STIM1: variants seen among roughly 807,000 people sequenced by gnomAD.
STIM1 encodes stromal interaction molecule 1.
In STIM1, 25 loss-of-function variants were observed where a neutral mutation model predicts 74.7. The observed-to-expected ratio is 0.33, with a 90% CI of 0.24 to 0.47. The LOEUF is 0.47. Ranked by LOEUF, STIM1 falls within the 20% of genes least tolerant of loss-of-function variation. The pLI, the probability that STIM1 is intolerant of heterozygous loss-of-function variation, is 1.00. For missense variants in STIM1, 728 were observed against 920.8 expected (o/e 0.79, Z 2.71); for synonymous variants, 328 against 348.8 (o/e 0.94, Z 0.66).
intron 7 of STIM1, among the ~76,000 whole-genome samples, chr11:4,080,461 C>G (rs1045748129): frequency 9.1e-5 from 13 of 143,432 alleles, no homozygotes; most frequent in African/African-American, 3.3e-4. Context: ...TCTCTTTAAC[C>G]AAACAGTTTT....
chr11:4,083,361 G>A lies in STIM1; in HGVS notation c.1337G>A (p.Gly446Asp), dbSNP rs1411280995. ...LCGFQIVNNP[G>D]IHSLVAALNI... ...GGCTTCCAGATTGTCAACAACCCTGGCATCCACTCACTGGTGGCTGCCCTC... is the reference window on the plus strand; with the variant it reads ...GGCTTCCAGATTGTCAACAACCCTGACATCCACTCACTGGTGGCTGCCCTC... Residue 446 changes from glycine (G) to aspartate (D), a missense_variant, in exon 10 of 13, where the codon GGC (glycine) becomes GAC (aspartate). This residue lies in a region of STIM1 where 352 missense variants were observed against 370.1 expected (regional missense o/e 0.95). Transcript: ENST00000526596. The A allele has an allele frequency of 1.2e-6, 2 of 1,614,234 alleles. No individual in the cohort carries two copies. Among genetic ancestry groups the A allele is most frequent in the Admixed American group, 3.3e-5 (2 of 60,036 alleles).
intron 2 of STIM1, chr11:3,989,083 T>A (rs1442129273): frequency 1.5e-6 from 2 of 1,367,968 alleles, no homozygotes; most frequent in African/African-American, 2.9e-5. Context: ...ATTTACAAAA[T>A]AGTTGATAAA....
rs2092297385 is a variant in STIM1 at position 3,899,756 on chromosome 11, C to G, written c.139+43347C>G. 3.3e-5 allele frequency among the ~76,000 whole-genome samples: 5 copies of G among 149,562 alleles called. No homozygotes were observed. In the South Asian group the frequency reaches 1.1e-3, roughly 31 times the overall value. On this transcript the variant is annotated intron_variant, in intron 1 of 12. Coordinates refer to ENST00000526596, the MANE Select transcript of STIM1 (RefSeq NM_001382567.1). ...TGTTGAATTTTGTCAAAGGCCTTTTCTGCATCTATTGAGATAATCATGTGG... is the reference window on the plus strand; with the variant it reads ...TGTTGAATTTTGTCAAAGGCCTTTTGTGCATCTATTGAGATAATCATGTGG...
At chr11:3,974,241 G>A (rs1051262621) in intron 2 of STIM1, 8 of 379,200 alleles carry the variant, frequency 2.1e-5, no homozygotes, top group Admixed American at 4.0e-5. Context: ...AGACATGATA[G>A]CAGTGGGAAG....
At chr11:3,878,784 C>A (rs536496018) in intron 1 of STIM1, among the ~76,000 whole-genome samples, 1 of 152,280 alleles carries the variant, frequency 6.6e-6, no homozygotes, top group Non-Finnish European at 1.5e-5. Context: ...CTCTGCCCTC[C>A]CCATAGCTCA....
rs752394795 is a variant in STIM1, at chr11:4,091,609, C to T, written c.1962C>T (p.Asp654=). Residue 654 remains aspartate (D), a synonymous_variant, in exon 13 of 13, where the codon GAC becomes GAT. Transcript: ENST00000526596. The stretch of plus-strand genomic sequence containing the variant: ...GTTCTCACAGCCCCAGCTCCCCAGA[C>T]CCAGACACACCATCTCCAGTTGGGG... ...SSRSHSPSSP[D]PDTPSPVGDS... is the part of the protein sequence containing the mutation. 9.3e-6 allele frequency: 15 copies of T among 1,614,224 alleles called. No homozygotes were observed. Among genetic ancestry groups the T allele is most frequent in the Non-Finnish European group, 1.1e-5 (13 of 1,180,038 alleles).
chr11:4,071,005 T>A (rs886525197), intron 6 of STIM1, among the ~76,000 whole-genome samples: 1 of 152,290 alleles, frequency 6.6e-6, no homozygotes, highest in African/African-American at 2.4e-5. Flanking sequence ...AGGATAAGAA[T>A]GCTAATGTCT....
intron 2 of STIM1, among the ~76,000 whole-genome samples, chr11:3,969,846 G>A (rs929220689): frequency 2.6e-5 from 4 of 152,208 alleles, no homozygotes; most frequent in Non-Finnish European, 4.4e-5. Context: ...CGACCATGAT[G>A]TAAGTATCTG....
chr11:4,050,562 C>A (rs777492631), intron 3 of STIM1, among the ~76,000 whole-genome samples: 2 of 152,088 alleles, frequency 1.3e-5, no homozygotes, highest in African/African-American at 4.8e-5. Flanking sequence ...ATCAGTTTGA[C>A]CTCTGGGTTC....
At chr11:4,059,199 C>G in intron 4 of STIM1, 82 bp from the exon 5 acceptor site, 1 of 1,207,292 alleles carries the variant, frequency 8.3e-7, no homozygotes, top group Admixed American at 1.7e-5. Context: ...TAGAAGTGTT[C>G]CTGGGGGAGG....
intron 1 of STIM1, among the ~76,000 whole-genome samples, chr11:3,906,782 T>C (rs1565110579): frequency 6.6e-6 from 1 of 152,230 alleles, no homozygotes; most frequent in Non-Finnish European, 1.5e-5. Flanking sequence ...ATGTAATGGA[T>C]GCTCAGTAAG....
chr11:3,875,072 C>T (rs966435773), intron 1 of STIM1, among the ~76,000 whole-genome samples: 2 of 151,762 alleles, frequency 1.3e-5, no homozygotes, highest in African/African-American at 4.8e-5. Flanking sequence ...GCTTAATGCT[C>T]CCTGGACTGG....
chr11:4,078,851 G>A (rs921797896), intron 7 of STIM1, among the ~76,000 whole-genome samples: 4 of 151,710 alleles, frequency 2.6e-5, no homozygotes, highest in African/African-American at 7.3e-5. Context: ...GATTACAGGC[G>A]TGAGCCACCA....
At chr11:3,969,831 GAC>G (rs2093374490) in intron 2 of STIM1, among the ~76,000 whole-genome samples, 1 of 152,218 alleles carries the variant, frequency 6.6e-6, no homozygotes, top group Non-Finnish European at 1.5e-5. Context: ...CTTGAGCAAA[GAC>G]AACGACCATG....
At chr11:3,861,537 T>G (rs1192301845) in intron 1 of STIM1, among the ~76,000 whole-genome samples, 1 of 152,186 alleles carries the variant, frequency 6.6e-6, no homozygotes, top group Non-Finnish European at 1.5e-5. Context: ...CTGGCCTCTA[T>G]TTTTTACCGT....
intron 11 of STIM1, among the ~76,000 whole-genome samples, chr11:4,085,343 C>T (rs1233553732): frequency 1.3e-5 from 2 of 152,146 alleles, no homozygotes; most frequent in Non-Finnish European, 2.9e-5. Flanking sequence ...GCTTATCTAT[C>T]AGGCTAGAGG....
At chr11:3,861,320 A>G (rs1408573973) in intron 1 of STIM1, among the ~76,000 whole-genome samples, 4 of 147,014 alleles carry the variant, frequency 2.7e-5, no homozygotes, top group East Asian at 4.0e-4. Flanking sequence ...TGCAAGCTCC[A>G]CCTCCCAGGT....
chr11:3,967,436 C>T, intron 1 of STIM1, 116 bp from the exon 2 acceptor site: 1 of 1,493,632 alleles, frequency 6.7e-7, no homozygotes, highest in South Asian at 1.1e-5. Flanking sequence ...TACAAGTAGC[C>T]AGTTAAGTGC....
At chr11:4,045,329 T>C (rs1450698972) in intron 3 of STIM1, among the ~76,000 whole-genome samples, 1 of 152,170 alleles carries the variant, frequency 6.6e-6, no homozygotes, top group Non-Finnish European at 1.5e-5. Context: ...TATCTGTGTG[T>C]CACTCTCTTA....
Sources: gnomAD v4.1 joint callset for allele counts (sites outside exome capture counted in the v4.1 genomes callset) on GRCh38, gnomAD v4.1.1 for gene constraint, gnomAD v4.1.1 regional missense constraint, MANE v1.5 for transcripts, NCBI Gene and HGNC (gene_info 2026-07-23, HGNC 2026-07-21) for gene names.